Variants in TRAPPC11 observed in about 807,000 individuals in gnomAD.
TRAPPC11 encodes the protein trafficking protein particle complex subunit 11.
TRAPPC11 carries 104 observed loss-of-function variants against 151.2 expected under a neutral mutation model. The observed-to-expected ratio is 0.69, with a 90% CI of 0.59 to 0.81. The LOEUF is 0.81. Ranked by LOEUF, TRAPPC11 falls within the 30% of genes least tolerant of loss-of-function variation. The probability of loss-of-function intolerance (pLI) is 0.00; values close to 1 mark genes in which losing one functional copy is unlikely to be tolerated. For synonymous variants in TRAPPC11, 456 were observed against 472.3 expected (o/e 0.97, Z 0.45); for missense variants, 1,230 against 1,349.6 (o/e 0.91, Z 1.39).
chr4:183,687,302 T>C, intron 18 of TRAPPC11, among the ~76,000 whole-genome samples: 1 of 98 alleles, frequency 0.01, no homozygotes. Context: ...TGTGTGTGTA[T>C]ATATATATAT....
chr4:183,704,069 A>G (rs1320744230), intron 26 of TRAPPC11, among the ~76,000 whole-genome samples: 1 of 152,206 alleles, frequency 6.6e-6, no homozygotes, highest in East Asian at 1.9e-4. Flanking sequence ...AAAACACTGT[A>G]TTAAATCGTG....
chr4:183,689,725 A>G (rs1736160330), intron 18 of TRAPPC11, among the ~76,000 whole-genome samples: 1 of 151,176 alleles, frequency 6.6e-6, no homozygotes, highest in Non-Finnish European at 1.5e-5. Context: ...CCTGGGCTCA[A>G]GTGAAGTATG....
chr4:183,707,038 G>A (rs1364353739), intron 28 of TRAPPC11, 98 bp downstream of exon 28: 1 of 1,402,322 alleles, frequency 7.1e-7, no homozygotes, highest in African/African-American at 1.4e-5. Flanking sequence ...GAGTAAAGCT[G>A]ACTGTGGTCC....
rs575914736 is a variant in TRAPPC11 at position 183,665,125 on chromosome 4, C to G, written c.204+1054C>G. Reference sequence around the variant, plus strand: ...TTTTTTTTTTTTTGAGACGGAGTCTCGCTCTGTCCCCGAGGCTGGAGTGCT... The same window carrying G: ...TTTTTTTTTTTTTGAGACGGAGTCTGGCTCTGTCCCCGAGGCTGGAGTGCT... On this transcript the variant is annotated intron_variant, in intron 2 of 29. Transcript: ENST00000334690. 3.5e-4 allele frequency among the ~76,000 whole-genome samples: 42 copies of G among 120,438 alleles called. No individual in the cohort carries two copies. In the South Asian group the frequency reaches 4.8e-3, roughly 14 times the overall value. 79.0% of individuals were successfully genotyped at this position (120,438 alleles called of 152,430 possible).
rs368699954 is a variant in TRAPPC11, at chr4:183,708,438, A to C, written c.3221A>C (p.Gln1074Pro). Residue 1074 changes from glutamine to proline, a missense_variant, in exon 29 of 30, where the codon CAG (glutamine) becomes CCG (proline). Transcript: ENST00000334690. ...IRLRILPGTE[Q>P]EMLYNFYPLM... ...TTACGTATCCTCCCTGGCACGGAGC[A>C]GGAAATGCTATATAATTTCTATCCT... 6 of 1,613,832 alleles carry C rather than the reference A, an allele frequency of 3.7e-6. No homozygotes were observed. Among genetic ancestry groups the C allele is most frequent in the African/African-American group, 1.3e-5 (1 of 74,930 alleles).
chr4:183,660,267 A>G (rs1734405231), intron 1 of TRAPPC11, among the ~76,000 whole-genome samples: 1 of 152,198 alleles, frequency 6.6e-6, no homozygotes, highest in Non-Finnish European at 1.5e-5. Context: ...ATTTCCCATA[A>G]TTTAGATCTC....
rs1474865908 is a variant in TRAPPC11 at position 183,666,267 on chromosome 4, A to G, written c.215A>G (p.Tyr72Cys). 2 of 1,611,884 alleles carry G rather than the reference A, an allele frequency of 1.2e-6. No homozygotes were observed. Among genetic ancestry groups the G allele is most frequent in the East Asian group, 2.2e-5 (1 of 44,858 alleles). ...TGCCAATGTTTGCAGAGAACTTCAT[A>G]TGAGTGGTACATTCCTAAAGGGATC... The part of the protein sequence containing the change: ...YPKCRPKRTS[Y>C]EWYIPKGILK... The change falls in exon 3 of 30, where the codon TAT becomes TGT. Residue 72 changes from tyrosine to cysteine, a missense_variant. By Grantham distance (194) the Tyr-to-Cys change is radical. Transcript: ENST00000334690.
intron 8 of TRAPPC11, among the ~76,000 whole-genome samples, chr4:183,678,651 A>T (rs1735531309): frequency 6.6e-6 from 1 of 152,210 alleles, no homozygotes; most frequent in South Asian, 2.1e-4. Context: ...GCATACACAT[A>T]CTTATCTGTG....
At chr4:183,666,226 G>T in intron 2 of TRAPPC11, 31 bp from the exon 3 acceptor site, 1 of 1,598,714 alleles carries the variant, frequency 6.3e-7, no homozygotes, top group African/African-American at 1.3e-5. Context: ...CTCCTGTCAG[G>T]TAACTTTTCA....
At chr4:183,712,463 T>C (rs1737380613) in intron 29 of TRAPPC11, 137 bp from the exon 30 acceptor site, 1 of 890,416 alleles carries the variant, frequency 1.1e-6, no homozygotes. Flanking sequence ...CATATCACCA[T>C]TTTTATTTTG....
In TRAPPC11 at chr4:183,693,825, A is replaced by G. The variant is rs1736387584; in HGVS notation, c.2386+88A>G. ...GTCAACTCTAGGACTTTTGTTTACAAGAGGGTATGGCATAGTGCTCTTCAC... is the reference window on the plus strand; with the variant it reads ...GTCAACTCTAGGACTTTTGTTTACAGGAGGGTATGGCATAGTGCTCTTCAC... On this transcript the variant is annotated intron_variant, in intron 21 of 29. Transcript: ENST00000334690. The G allele has an allele frequency of 5.6e-6, 9 of 1,595,484 alleles. 1 individual carries two copies. In the South Asian group the frequency reaches 1.0e-4, roughly 18 times the overall value.
intron 2 of TRAPPC11, 54 bp from the exon 3 acceptor site, chr4:183,666,203 C>A: frequency 6.4e-7 from 1 of 1,550,750 alleles, no homozygotes. Flanking sequence ...CACTCAGTAA[C>A]AGGTGGTTTC....
intron 26 of TRAPPC11, 137 bp downstream of exon 26, chr4:183,701,945 C>G: frequency 1.5e-6 from 1 of 654,386 alleles, no homozygotes; most frequent in Non-Finnish European, 2.7e-6. Context: ...GAACACAAAC[C>G]TGAAAAAGAT....
intron 22 of TRAPPC11, 143 bp from the exon 23 acceptor site, chr4:183,694,461 C>T: frequency 1.2e-6 from 1 of 844,388 alleles, no homozygotes; most frequent in Non-Finnish European, 1.9e-6. Flanking sequence ...TGATGAGTTA[C>T]ATTGTAACAT....
chr4:183,698,752 A>G (rs968596218), intron 25 of TRAPPC11, among the ~76,000 whole-genome samples: 5 of 151,918 alleles, frequency 3.3e-5, no homozygotes, highest in African/African-American at 7.3e-5. Context: ...TTCTTTCTCT[A>G]CAAGTCTTCA....
intron 25 of TRAPPC11, among the ~76,000 whole-genome samples, chr4:183,700,613 G>A (rs919064958): frequency 3.9e-5 from 6 of 152,186 alleles, no homozygotes; most frequent in Non-Finnish European, 8.8e-5. Context: ...ATTGGCAGAA[G>A]GAAAGCATTC....
chr4:183,677,530 T>C lies in TRAPPC11; in HGVS notation c.807T>C (p.Thr269=). 1 of 1,595,234 alleles carries C rather than the reference T, an allele frequency of 6.3e-7. No individual in the cohort carries two copies. Among genetic ancestry groups the C allele is most frequent in the East Asian group, 2.2e-5 (1 of 44,682 alleles). The change falls in exon 8 of 30, where the codon ACT becomes ACC. Residue 269 remains threonine, a synonymous_variant. Coordinates refer to ENST00000334690, the MANE Select transcript of TRAPPC11 (RefSeq NM_021942.6). ...AAACTAATATTCTGGAAATTAAGAC[T>C]ATGGCAGGATTTATAAACTACAAGG... The part of the protein sequence containing the change: ...AHETNILEIK[T]MAGFINYKIC...
At chr4:183,690,396 T>C (rs1313833038) in intron 18 of TRAPPC11, among the ~76,000 whole-genome samples, 2 of 152,174 alleles carry the variant, frequency 1.3e-5, no homozygotes, top group Admixed American at 1.3e-4. Flanking sequence ...GAATAGTGAT[T>C]CCATAGATAG....
At chr4:183,688,724 AGTGTGTGTGC>A (rs1017773310) in intron 18 of TRAPPC11, among the ~76,000 whole-genome samples, 1 of 151,602 alleles carries the variant, frequency 6.6e-6, no homozygotes, top group Admixed American at 6.6e-5. Context: ...ATTTTATTTT[AGTGTGTGTGC>A]GTGTGTGTGT....
Sources: gnomAD v4.1 joint callset for allele counts (sites outside exome capture counted in the v4.1 genomes callset) on GRCh38, gnomAD v4.1.1 for gene constraint, MANE v1.5 for transcripts, NCBI Gene and HGNC (gene_info 2026-07-23, HGNC 2026-07-21) for gene names.